Variants in ARHGAP32 observed in about 807,000 individuals in gnomAD.
ARHGAP32 encodes the protein Rho GTPase activating protein 32.
In ARHGAP32, 51 loss-of-function variants were observed where a neutral mutation model predicts 186.5. The ratio of observed to expected loss-of-function variants is 0.27; its 90% CI spans 0.22 to 0.35. The LOEUF is 0.35. Ranked by LOEUF, ARHGAP32 falls within the 10% of genes least tolerant of loss-of-function variation. The pLI is 1.00. For synonymous variants in ARHGAP32, 950 were observed against 964.3 expected (o/e 0.99, Z 0.27); for missense variants, 2,186 against 2,623.5 (o/e 0.83, Z 3.64).
rs182728377 is a variant in ARHGAP32 at position 129,004,914 on chromosome 11, T to C, written c.1046-6446A>G. Among the ~76,000 whole-genome samples the C allele has an allele frequency of 6.6e-5, 10 of 152,258 alleles. No individual in the cohort carries two copies. In the East Asian group the frequency reaches 1.5e-3, roughly 23 times the overall value. ...GACTTCCTCCAACCATTTTGTTATCTGTTTACTGGTAGTTTTGTGGTCTTC... is the reference window on the plus strand; with the variant it reads ...GACTTCCTCCAACCATTTTGTTATCCGTTTACTGGTAGTTTTGTGGTCTTC... On this transcript the variant is annotated intron_variant, in intron 11 of 22. Transcript: ENST00000682385.
At chr11:129,166,948 G>C (rs1171175793) in intron 1 of ARHGAP32, among the ~76,000 whole-genome samples, 1 of 152,100 alleles carries the variant, frequency 6.6e-6, no homozygotes, top group East Asian at 1.9e-4. Flanking sequence ...TCTATTGGTT[G>C]AGAAGTGAGA....
At chr11:129,180,994 C>T (rs182457367) in intron 1 of ARHGAP32, among the ~76,000 whole-genome samples, 39 of 152,160 alleles carry the variant, frequency 2.6e-4, no homozygotes, top group Admixed American at 8.5e-4. Flanking sequence ...GTTGAAGTTC[C>T]ACAGAGAAGT....
chr11:129,056,654 C>G (rs1053569825), intron 10 of ARHGAP32, among the ~76,000 whole-genome samples: 6 of 152,172 alleles, frequency 3.9e-5, no homozygotes, highest in African/African-American at 1.4e-4. Flanking sequence ...CATGCCCTGA[C>G]AGCTGGCCAG....
At chr11:129,053,062 G>C (rs1940119377) in intron 10 of ARHGAP32, among the ~76,000 whole-genome samples, 1 of 151,528 alleles carries the variant, frequency 6.6e-6, no homozygotes, top group Non-Finnish European at 1.5e-5. Flanking sequence ...ATGTACCCTA[G>C]AACTTAAAGT....
intron 8 of ARHGAP32, 98 bp downstream of exon 8, chr11:129,064,743 T>A (rs1235320579): frequency 3.5e-6 from 3 of 864,924 alleles, no homozygotes; most frequent in East Asian, 5.5e-5. Flanking sequence ...TTTCTTTGAT[T>A]CCTGAAGCTC....
At chr11:129,110,077 CTTACAT>C (rs1313762477) in intron 5 of ARHGAP32, among the ~76,000 whole-genome samples, 1 of 152,056 alleles carries the variant, frequency 6.6e-6, no homozygotes, top group Non-Finnish European at 1.5e-5. Flanking sequence ...AGATTCAGGT[CTTACAT>C]TTAAGTCCTG....
chr11:129,038,565 T>C (rs994546589), intron 11 of ARHGAP32, among the ~76,000 whole-genome samples: 12 of 151,712 alleles, frequency 7.9e-5, no homozygotes, highest in African/African-American at 2.7e-4. Flanking sequence ...TGGTAAAGAA[T>C]TTGTATCTAG....
chr11:128,986,038 G>C lies in ARHGAP32; in HGVS notation c.1491C>G (p.His497Gln). ...GTGGGGGGAGCTGCTGGATGACATC[G>C]TGGATTTTTATCAGCCTTTCTTCAT... ...ATDEERLIKI[H>Q]DVIQQLPPPH... is the part of the protein sequence containing the mutation. Residue 497 changes from histidine to glutamine, a missense_variant, in exon 15 of 23, where the codon CAC (histidine) becomes CAG (glutamine). By Grantham distance (24) the His-to-Gln change is conservative (BLOSUM62 0). Around this residue, in one of 5 missense-constraint regions of ARHGAP32, gnomAD observed 308 missense variants for 596.5 expected, o/e 0.52. Coordinates refer to ENST00000682385, the MANE Select transcript of ARHGAP32 (RefSeq NM_001378024.1). 6.2e-7 allele frequency: 1 copy of C among 1,607,616 alleles called. No homozygotes were observed. Among genetic ancestry groups the C allele is most frequent in the Non-Finnish European group, 8.5e-7 (1 of 1,178,028 alleles).
At chr11:129,136,837 G>C (rs149494580) in intron 2 of ARHGAP32, among the ~76,000 whole-genome samples, 3,075 of 152,130 alleles carry the variant, frequency 0.02, 78 homozygotes, top group Admixed American at 0.077. Flanking sequence ...GTGCAGAGTA[G>C]TAGATTGAAA....
rs1299832106 is a variant in ARHGAP32, at chr11:128,972,297, A to G, written c.4053+156T>C. ...AAAGCCAGCATCAAGGTAATGGCAGACTCCAACCTCAAATGGGAACTATCT... is the reference window on the plus strand; with the variant it reads ...AAAGCCAGCATCAAGGTAATGGCAGGCTCCAACCTCAAATGGGAACTATCT... On this transcript the variant is annotated intron_variant, in intron 22 of 22. Transcript: ENST00000682385. 4.0e-6 allele frequency: 3 copies of G among 756,182 alleles called. No individual in the cohort carries two copies. The African/African-American group carries it at 5.2e-5, about 13-fold the overall frequency. The allele number at this position is 756,182 out of a possible 1,614,324, so 46.8% of individuals were successfully genotyped here. A position where few individuals can be genotyped will look rare whatever the true frequency, so the allele number is the denominator to read the frequency against.
rs545295823 is a variant in ARHGAP32, at chr11:128,986,162, A to G, written c.1444-77T>C. The G allele has an allele frequency of 1.9e-5, 21 of 1,117,686 alleles. No homozygotes were observed. In the African/African-American group the frequency reaches 3.2e-4, roughly 17 times the overall value. The allele number at this position is 1,117,686 out of a possible 1,614,324, so 69.2% of individuals were successfully genotyped here. ...AAAGTTCACTTACAATTCAGTTTTC[A>G]CTCTGAGATCAACTTGCTTTGCTCT... is the stretch of plus-strand genomic sequence containing the variant. On this transcript the variant is annotated intron_variant, in intron 14 of 22. Coordinates refer to ENST00000682385, the MANE Select transcript of ARHGAP32 (RefSeq NM_001378024.1).
chr11:129,047,529 G>T (rs1209620278), intron 10 of ARHGAP32, among the ~76,000 whole-genome samples: 1 of 151,056 alleles, frequency 6.6e-6, no homozygotes, highest in Non-Finnish European at 1.5e-5. Context: ...TAATTTCCTT[G>T]CAATATTAAC....
In ARHGAP32 at chr11:128,994,592, T is replaced by A. The variant is rs560153278; in HGVS notation, c.1195+3727A>T. 2.0e-5 allele frequency among the ~76,000 whole-genome samples: 3 copies of A among 152,208 alleles called. No homozygotes were observed. The South Asian group carries it at 6.2e-4, about 32-fold the overall frequency. On this transcript the variant is annotated intron_variant, in intron 12 of 22. Transcript: ENST00000682385. ...TCTAGGCTTCCCAAAGAGCTAAGAT[T>A]ACAGGCATGAGCCACCACACCCAGC...
intron 15 of ARHGAP32, among the ~76,000 whole-genome samples, chr11:128,982,474 C>CGTGTGTGTGTGTGTGTGTGTGT (rs60379183): frequency 1.4e-5 from 2 of 147,362 alleles, no homozygotes; most frequent in African/African-American, 2.5e-5. Context: ...AGGTAAGTGC[C>CGTGTGTGTGTGTGTGTGTGTGT]GTGTGTGTGT....
intron 5 of ARHGAP32, among the ~76,000 whole-genome samples, chr11:129,120,665 A>G (rs1942504809): frequency 6.6e-6 from 1 of 152,140 alleles, no homozygotes; most frequent in Non-Finnish European, 1.5e-5. Context: ...AATGTAGAAG[A>G]CGTTAACATC....
intron 5 of ARHGAP32, among the ~76,000 whole-genome samples, chr11:129,096,629 C>G (rs146221695): frequency 2.0e-4 from 30 of 151,502 alleles, no homozygotes; most frequent in African/African-American, 7.3e-4. Context: ...AAAAAGAACA[C>G]TGCCTCCAAA....
chr11:128,993,741 G>T (rs1163748272), intron 12 of ARHGAP32, among the ~76,000 whole-genome samples: 2 of 151,290 alleles, frequency 1.3e-5, no homozygotes, highest in Non-Finnish European at 2.9e-5. Flanking sequence ...GCCTAGGCTG[G>T]AGTGCTATGG....
At chr11:129,120,126 G>A (rs1482856426) in intron 5 of ARHGAP32, among the ~76,000 whole-genome samples, 1 of 152,062 alleles carries the variant, frequency 6.6e-6, no homozygotes, top group Non-Finnish European at 1.5e-5. Flanking sequence ...TTTAGTGTAA[G>A]GTGATAGCAG....
At chr11:129,001,179 A>G (rs551625236) in intron 11 of ARHGAP32, among the ~76,000 whole-genome samples, 1 of 152,252 alleles carries the variant, frequency 6.6e-6, no homozygotes, top group African/African-American at 2.4e-5. Context: ...TAGTAGTTCT[A>G]TTTTTAGTTT....
Sources: allele counts gnomAD v4.1 joint callset (sites outside exome capture counted in the v4.1 genomes callset), GRCh38; gene constraint gnomAD v4.1.1; regional missense constraint gnomAD v4.1.1; transcripts MANE v1.5; gene names NCBI Gene and HGNC (gene_info 2026-07-23, HGNC 2026-07-21).